The following CCSER2 variants were observed in gnomAD, a reference collection of about 807,000 sequenced individuals.
CCSER2 encodes the protein serine-rich coiled-coil domain-containing protein 2.
CCSER2 carries 46 observed loss-of-function variants against 92.3 expected under a neutral mutation model. The ratio of observed to expected loss-of-function variants is 0.50; its 90% CI spans 0.39 to 0.64. CCSER2 has a LOEUF of 0.64. Among genes scored for constraint, CCSER2 ranks in the 30% least tolerant of loss-of-function variants. The pLI is 0.00. For missense variants in CCSER2, 1,244 were observed against 1,238.9 expected (o/e 1.00, Z -0.06); for synonymous variants, 433 against 431.4 (o/e 1.00, Z -0.04).
rs577278178 is a variant in CCSER2, at chr10:84,514,241, C to T, written c.3118C>T (p.Arg1040Cys). The change falls in exon 10 of 10, where the codon CGT becomes TGT. Residue 1040 changes from arginine to cysteine, a missense_variant. Transcript: ENST00000372088. ...TTGTTTGGCCTCTAATCGATATTCT[C>T]GTCTTCCTAAACCAAAGATACATTA... Reference protein sequence around the residue: ...GDCLASNRYSRLPKPKIH With the variant: ...GDCLASNRYSCLPKPKIH The T allele has an allele frequency of 2.0e-5, 31 of 1,536,080 alleles. No homozygotes were observed. The African/African-American group carries it at 4.0e-4, about 20-fold the overall frequency.
At chr10:84,353,767 C>G (rs1323490608) in intron 1 of CCSER2, among the ~76,000 whole-genome samples, 2 of 152,192 alleles carry the variant, frequency 1.3e-5, no homozygotes, top group African/African-American at 4.8e-5. Context: ...CCTAATGGGA[C>G]TGGAAGCCCA....
chr10:84,433,434 TAC>T (rs139177738), intron 5 of CCSER2, among the ~76,000 whole-genome samples: 27 of 150,444 alleles, frequency 1.8e-4, no homozygotes, highest in South Asian at 4.2e-4. Context: ...CCCACACACA[TAC>T]ACACACACAC....
chr10:84,472,001 T>C lies in CCSER2; in HGVS notation c.2235+1543T>C, dbSNP rs546770101. On this transcript the variant is annotated intron_variant, in intron 8 of 9. Transcript: ENST00000372088. ...ATACTTAGATAAATTATAATGTTTA[T>C]GAAATGCTTTAAAGTAATTAGTAGG... is the stretch of plus-strand genomic sequence containing the variant. Among the ~76,000 whole-genome samples, 6 of 152,182 alleles carry C rather than the reference T, an allele frequency of 3.9e-5. No individual in the cohort carries two copies. The South Asian group carries it at 1.0e-3, about 26-fold the overall frequency.
chr10:84,394,297 A>G (rs1390299282), intron 3 of CCSER2, among the ~76,000 whole-genome samples: 2 of 152,106 alleles, frequency 1.3e-5, no homozygotes, highest in Non-Finnish European at 2.9e-5. Context: ...ATCTTGTTTG[A>G]TAGGCAGATA....
At chr10:84,405,116 G>T (rs973019975) in intron 3 of CCSER2, among the ~76,000 whole-genome samples, 1 of 152,104 alleles carries the variant, frequency 6.6e-6, no homozygotes, top group African/African-American at 2.4e-5. Context: ...TTGACAAAGG[G>T]ACAGTCAGGT....
chr10:84,346,627 C>G (rs1589404163), intron 1 of CCSER2, among the ~76,000 whole-genome samples: 1 of 151,910 alleles, frequency 6.6e-6, no homozygotes, highest in East Asian at 1.9e-4. Flanking sequence ...AAGAGTAGAT[C>G]CAGAACTGAA....
intron 4 of CCSER2, among the ~76,000 whole-genome samples, chr10:84,423,002 G>T (rs1332628751): frequency 6.6e-6 from 1 of 150,984 alleles, no homozygotes; most frequent in East Asian, 1.9e-4. Flanking sequence ...CTGCAGTGAG[G>T]CAAGATCATG....
intron 1 of CCSER2, among the ~76,000 whole-genome samples, chr10:84,348,164 T>C (rs1308110767): frequency 1.3e-5 from 2 of 152,140 alleles, no homozygotes; most frequent in African/African-American, 4.8e-5. Context: ...CTGGGCAACA[T>C]TGAGCATTGA....
chr10:84,350,101 C>T (rs926653223), intron 1 of CCSER2, among the ~76,000 whole-genome samples: 6 of 152,210 alleles, frequency 3.9e-5, no homozygotes, highest in Admixed American at 2.6e-4. Context: ...TGCAGTGAGC[C>T]GATATCATGC....
At chr10:84,406,983 T>C (rs932153817) in intron 3 of CCSER2, among the ~76,000 whole-genome samples, 7 of 152,220 alleles carry the variant, frequency 4.6e-5, no homozygotes, top group Non-Finnish European at 1.0e-4. Context: ...ATGTTAAACA[T>C]AGACCTCCCC....
At chr10:84,357,835 T>C (rs1304870137) in intron 1 of CCSER2, among the ~76,000 whole-genome samples, 1 of 152,212 alleles carries the variant, frequency 6.6e-6, no homozygotes, top group African/African-American at 2.4e-5. Context: ...GACAACTGTA[T>C]CCACAATAAC....
chr10:84,495,549 G>A (rs558104453), intron 9 of CCSER2, among the ~76,000 whole-genome samples: 25 of 152,150 alleles, frequency 1.6e-4, no homozygotes, highest in African/African-American at 5.8e-4. Flanking sequence ...GTTGGGATGG[G>A]GTGTTGAGCT....
At chr10:84,445,371 C>T (rs887043061) in intron 6 of CCSER2, among the ~76,000 whole-genome samples, 6 of 152,114 alleles carry the variant, frequency 3.9e-5, no homozygotes, top group African/African-American at 1.2e-4. Flanking sequence ...GCCAGGATGA[C>T]CTCGATCTCC....
intron 4 of CCSER2, among the ~76,000 whole-genome samples, chr10:84,420,857 C>T (rs895977925): frequency 6.1e-5 from 9 of 147,480 alleles, no homozygotes; most frequent in East Asian, 2.0e-4. Context: ...CGCTTAAACC[C>T]GGGAGGCAGA....
intron 5 of CCSER2, among the ~76,000 whole-genome samples, chr10:84,433,726 G>A (rs2065845): frequency 0.035 from 5,331 of 152,272 alleles, 329 homozygotes; most frequent in African/African-American, 0.12. Context: ...CAGTTTAAGT[G>A]GGTAAAGACG....
At chr10:84,337,254 T>C (rs1212816099) in intron 1 of CCSER2, among the ~76,000 whole-genome samples, 1 of 152,178 alleles carries the variant, frequency 6.6e-6, no homozygotes, top group African/African-American at 2.4e-5. Context: ...CTTGGGATCC[T>C]GTAATGTTTT....
intron 3 of CCSER2, among the ~76,000 whole-genome samples, chr10:84,380,621 G>A (rs925422022): frequency 6.6e-5 from 10 of 151,908 alleles, no homozygotes; most frequent in Non-Finnish European, 1.0e-4. Flanking sequence ...CCAGGGCTCC[G>A]GAACAAGCTA....
At chr10:84,330,672 C>T (rs151338610) in intron 1 of CCSER2, among the ~76,000 whole-genome samples, 116 of 152,262 alleles carry the variant, frequency 7.6e-4, no homozygotes, top group African/African-American at 2.7e-3. Context: ...ACCACCACAC[C>T]TGGCTAATTT....
intron 6 of CCSER2, among the ~76,000 whole-genome samples, chr10:84,453,205 C>A (rs1438033601): frequency 6.6e-6 from 1 of 151,580 alleles, no homozygotes; most frequent in East Asian, 1.9e-4. Context: ...GGGGCTTTCA[C>A]TTAATTTATT....
Sources: gnomAD v4.1 joint callset for allele counts (sites outside exome capture counted in the v4.1 genomes callset) on GRCh38, gnomAD v4.1.1 for gene constraint, MANE v1.5 for transcripts, NCBI Gene and HGNC (gene_info 2026-07-23, HGNC 2026-07-21) for gene names.